The following ZRSR2 variants were observed in gnomAD, a reference collection of about 807,000 sequenced individuals.
ZRSR2 encodes the protein zinc finger CCCH-type, RNA binding motif and serine/arginine rich 2.
A neutral mutation model predicts 39.4 loss-of-function variants in ZRSR2; 3 were observed. The observed-to-expected ratio is 0.08, with a 90% CI of 0.03 to 0.20. ZRSR2 has a LOEUF of 0.20. Ranked by LOEUF, ZRSR2 falls within the 10% of genes least tolerant of loss-of-function variation. The probability of loss-of-function intolerance (pLI) is 1.00; values close to 1 mark genes in which losing one functional copy is unlikely to be tolerated. For missense variants in ZRSR2, 256 were observed against 391.5 expected (o/e 0.65, Z 2.92); for synonymous variants, 137 against 136.0 (o/e 1.01, Z -0.05).
At chrX:15,800,844 A>G (rs751034802) in intron 3 of ZRSR2, among the ~76,000 whole-genome samples, 15 of 112,633 alleles carry the variant, frequency 1.3e-4, no homozygotes, top group Non-Finnish European at 2.3e-4. Flanking sequence ...TTCAGGTTAT[A>G]TTGGTTTTTC....
At chrX:15,801,531 G>A (rs1488043078) in intron 3 of ZRSR2, 3 of 174,618 alleles carry the variant, frequency 1.7e-5, no homozygotes, top group East Asian at 2.1e-4. Flanking sequence ...GCGCTCAGCC[G>A]AAATTTCTTA....
intron 2 of ZRSR2, among the ~76,000 whole-genome samples, chrX:15,795,904 C>T (rs750475258): frequency 8.9e-6 from 1 of 112,188 alleles, no homozygotes; most frequent in African/African-American, 3.2e-5. Context: ...GGGTGGATCA[C>T]GAGGTCGGGA....
chrX:15,822,252 AGT>A (rs1296509555), intron 10 of ZRSR2, among the ~76,000 whole-genome samples: 1 of 111,842 alleles, frequency 8.9e-6, no homozygotes, highest in Non-Finnish European at 1.9e-5. Context: ...AGCCTCCCAA[AGT>A]GTTAGGATTA....
At chrX:15,796,371 G>C (rs1932459926) in intron 2 of ZRSR2, among the ~76,000 whole-genome samples, 1 of 112,459 alleles carries the variant, frequency 8.9e-6, no homozygotes. Flanking sequence ...CTCATGCAGA[G>C]ATGAGTAGTG....
At chrX:15,797,910 G>T (rs1445979561) in intron 2 of ZRSR2, among the ~76,000 whole-genome samples, 2 of 111,925 alleles carry the variant, frequency 1.8e-5, no homozygotes, top group East Asian at 2.8e-4. Flanking sequence ...ACAGGTGTTT[G>T]TGAGTGTCAG....
chrX:15,816,913 C>T (rs1265317730), intron 8 of ZRSR2, among the ~76,000 whole-genome samples: 1 of 111,076 alleles, frequency 9.0e-6, no homozygotes, highest in African/African-American at 3.3e-5. Flanking sequence ...CATATGCCTT[C>T]CTGTCTTCAC....
At chrX:15,808,501 G>A (rs1005192040) in intron 6 of ZRSR2, among the ~76,000 whole-genome samples, 3 of 111,475 alleles carry the variant, frequency 2.7e-5, no homozygotes, top group Non-Finnish European at 5.6e-5. Flanking sequence ...CTTACAGTAT[G>A]TTTAAGCAAC....
At chrX:15,790,627 G>T in intron 1 of ZRSR2, 91 bp downstream of exon 1, 1 of 1,079,626 alleles carries the variant, frequency 9.3e-7, no homozygotes, top group South Asian at 2.0e-5. Context: ...GCTGGGCCAA[G>T]CTAAGTGAGC....
intron 3 of ZRSR2, among the ~76,000 whole-genome samples, chrX:15,800,309 T>A (rs967804250): frequency 2.8e-5 from 3 of 106,530 alleles, no homozygotes; most frequent in African/African-American, 1.0e-4. Context: ...GCCTCAGCCT[T>A]CCGAGTAGCT....
At chrX:15,798,722 G>A (rs966726661) in intron 2 of ZRSR2, among the ~76,000 whole-genome samples, 2 of 111,988 alleles carry the variant, frequency 1.8e-5, no homozygotes, top group Admixed American at 9.5e-5. Context: ...GTTATCTTGT[G>A]GAATGCCCTG....
intron 1 of ZRSR2, 53 bp from the exon 2 acceptor site, chrX:15,790,878 TCGG>T: frequency 9.1e-7 from 1 of 1,103,048 alleles, no homozygotes; most frequent in Admixed American, 2.2e-5. Flanking sequence ...AGCGGGGAGC[TCGG>T]GCAGCGCTGC....
intron 7 of ZRSR2, among the ~76,000 whole-genome samples, chrX:15,813,176 C>T (rs1932911232): frequency 1.8e-5 from 2 of 112,051 alleles, no homozygotes; most frequent in Admixed American, 1.9e-4. Context: ...GATACCCACA[C>T]CATTTATTGG....
At chrX:15,820,493 A>G (rs73441974) in intron 10 of ZRSR2, among the ~76,000 whole-genome samples, 177 bp downstream of exon 10, 16 of 111,759 alleles carry the variant, frequency 1.4e-4, no homozygotes, top group Admixed American at 2.8e-4. Context: ...ACCGACCTCA[A>G]TGAGTCACTT....
At chrX:15,810,137 T>C (rs1301143496) in intron 7 of ZRSR2, among the ~76,000 whole-genome samples, 1 of 112,264 alleles carries the variant, frequency 8.9e-6, no homozygotes, top group Non-Finnish European at 1.9e-5. Flanking sequence ...ATTGTGACTC[T>C]TGATGTTATT....
At chrX:15,795,461 G>C (rs1932422732) in intron 2 of ZRSR2, among the ~76,000 whole-genome samples, 1 of 111,429 alleles carries the variant, frequency 9.0e-6, no homozygotes. Flanking sequence ...GGGGTTCTGG[G>C]TGGCCAGGGG....
Position 15,809,247 on chromosome X carries a change from C to A in ZRSR2, c.486C>A (p.Phe162Leu). 1 of 1,211,143 alleles carries A rather than the reference C, an allele frequency of 8.3e-7. No individual in the cohort carries two copies. Among genetic ancestry groups the A allele is most frequent in the Non-Finnish European group, 1.1e-6 (1 of 894,853 alleles). Residue 162 changes from phenylalanine to leucine, a missense_variant, in exon 7 of 11, where the codon TTC (phenylalanine) becomes TTA (leucine). By Grantham distance (22) the Phe-to-Leu change is conservative. Transcript: ENST00000307771. ...AAAACCCAGAACCACCCGTGGATTT[C>A]AGAGTAATGGAGAAGGATCGAGCTA... Reference protein sequence around the residue: ...TWQNPEPPVDFRVMEKDRANC... With the variant: ...TWQNPEPPVDLRVMEKDRANC...
chrX:15,810,206 G>A (rs892632956), intron 7 of ZRSR2, among the ~76,000 whole-genome samples: 2 of 112,107 alleles, frequency 1.8e-5, no homozygotes, highest in African/African-American at 3.2e-5. Flanking sequence ...GAAAGAAGAC[G>A]TTCATGTGGA....
At chrX:15,800,460 T>G (rs1314912141) in intron 3 of ZRSR2, among the ~76,000 whole-genome samples, 1 of 110,888 alleles carries the variant, frequency 9.0e-6, no homozygotes, top group Admixed American at 9.6e-5. Context: ...GTGCTGGGAT[T>G]ATAGGCATGA....
chrX:15,814,998 G>T (rs747612066), intron 7 of ZRSR2, among the ~76,000 whole-genome samples: 1 of 111,917 alleles, frequency 8.9e-6, no homozygotes, highest in Admixed American at 9.5e-5. Context: ...CAGCAGTCCC[G>T]CATGTGACAT....
Sources: gnomAD v4.1 joint callset for allele counts (sites outside exome capture counted in the v4.1 genomes callset) on GRCh38, gnomAD v4.1.1 for gene constraint, MANE v1.5 for transcripts, NCBI Gene and HGNC (gene_info 2026-07-23, HGNC 2026-07-21) for gene names.